Variants in PDE1A observed in about 807,000 individuals in gnomAD.
The protein encoded by PDE1A is dual specificity calcium/calmodulin-dependent 3',5'-cyclic nucleotide phosphodiesterase 1A.
PDE1A carries 35 observed loss-of-function variants against 61.7 expected under a neutral mutation model. The ratio of observed to expected loss-of-function variants is 0.57; its 90% CI spans 0.43 to 0.75. PDE1A has a LOEUF of 0.75. Among genes scored for constraint, PDE1A ranks in the 30% least tolerant of loss-of-function variants. The pLI is 0.00. For missense variants in PDE1A, 597 were observed against 630.6 expected, an observed-to-expected ratio of 0.95 and a Z score of 0.57; for synonymous variants, 232 against 213.2, an observed-to-expected ratio of 1.09 and a Z score of -0.77.
the PDE1A span, among the ~76,000 whole-genome samples, chr2:182,575,220 T>G: frequency 6.6e-6 from 1 of 152,154 alleles, no homozygotes; most frequent in African/African-American, 2.4e-5. Context: ...CGTTTCCCAT[T>G]GACCTTAATC....
intron 2 of PDE1A, among the ~76,000 whole-genome samples, chr2:182,463,005 C>A (rs183995238): frequency 1.2e-3 from 181 of 152,092 alleles, no homozygotes; most frequent in Middle Eastern, 3.4e-3. Context: ...CTTTGGGAGG[C>A]CAAGGCAGGA....
chr2:182,658,054 A>AC, the PDE1A span, among the ~76,000 whole-genome samples: 1 of 97,872 alleles, frequency 1.0e-5, no homozygotes, highest in East Asian at 2.9e-4. Context: ...CAGTAAAAAA[A>AC]AAAAAAAAAA....
intron 1 of PDE1A, among the ~76,000 whole-genome samples, chr2:182,387,033 A>C (rs1007375198): frequency 6.6e-6 from 1 of 152,210 alleles, no homozygotes; most frequent in African/African-American, 2.4e-5. Context: ...GTCTGTGTGG[A>C]AAGAAGTAGA....
intron 1 of PDE1A, among the ~76,000 whole-genome samples, chr2:182,421,412 A>C (rs1479077956): frequency 1.3e-5 from 2 of 152,198 alleles, no homozygotes; most frequent in Non-Finnish European, 2.9e-5. Context: ...TTGTAGATTT[A>C]ATACTGCCTC....
intron 1 of PDE1A, among the ~76,000 whole-genome samples, chr2:182,328,394 T>C (rs1438810457): frequency 1.3e-5 from 2 of 152,016 alleles, no homozygotes; most frequent in Non-Finnish European, 2.9e-5. Context: ...TAGAAAGAAA[T>C]GGAACGAGGG....
At chr2:182,465,675 A>T (rs1215881071) in intron 2 of PDE1A, among the ~76,000 whole-genome samples, 1 of 152,100 alleles carries the variant, frequency 6.6e-6, no homozygotes, top group East Asian at 1.9e-4. Flanking sequence ...TGTCCAGTAG[A>T]CACAAATATT....
the PDE1A span, among the ~76,000 whole-genome samples, chr2:182,691,977 T>C: frequency 1.3e-5 from 2 of 152,004 alleles, no homozygotes; most frequent in Non-Finnish European, 2.9e-5. Flanking sequence ...CAATGAGATA[T>C]CATCTCACAC....
chr2:182,229,407 T>G (rs1689390810), intron 6 of PDE1A, among the ~76,000 whole-genome samples: 1 of 152,082 alleles, frequency 6.6e-6, no homozygotes, highest in African/African-American at 2.4e-5. Context: ...CATCCTGAGT[T>G]CTAAGACATT....
chr2:182,539,327 G>A, the PDE1A span, among the ~76,000 whole-genome samples: 1 of 152,146 alleles, frequency 6.6e-6, no homozygotes, highest in Non-Finnish European at 1.5e-5. Context: ...GAGCTTTCAA[G>A]ATTTTCCCTG....
At chr2:182,406,171 C>T (rs962971880) in intron 1 of PDE1A, among the ~76,000 whole-genome samples, 1 of 151,642 alleles carries the variant, frequency 6.6e-6, no homozygotes, top group South Asian at 2.1e-4. Flanking sequence ...ATTATTATTC[C>T]CATTTTACAG....
upstream of PDE1A, among the ~76,000 whole-genome samples, chr2:182,525,378 T>C (rs1214749587): frequency 6.6e-6 from 1 of 152,212 alleles, no homozygotes; most frequent in Non-Finnish European, 1.5e-5. Flanking sequence ...ATAAGCAAAA[T>C]TGTTCTAAGT....
intron 10 of PDE1A, among the ~76,000 whole-genome samples, chr2:182,193,389 C>G (rs531477176): frequency 3.9e-5 from 6 of 151,982 alleles, no homozygotes; most frequent in Non-Finnish European, 7.4e-5. Flanking sequence ...AAAGAAGCAA[C>G]GTCGATAACA....
chr2:182,299,569 A>G (rs989180963), intron 1 of PDE1A, among the ~76,000 whole-genome samples: 1 of 150,862 alleles, frequency 6.6e-6, no homozygotes, highest in African/African-American at 2.4e-5. Flanking sequence ...GGACCTGCAA[A>G]AACAGCCTAG....
At chr2:182,245,951 G>C (rs984788522) in intron 2 of PDE1A, among the ~76,000 whole-genome samples, 1 of 152,170 alleles carries the variant, frequency 6.6e-6, no homozygotes, top group African/African-American at 2.4e-5. Flanking sequence ...ATGAGCCAGA[G>C]GCCAAGCTGC....
At chr2:182,328,116 C>A (rs568680582) in intron 1 of PDE1A, among the ~76,000 whole-genome samples, 10 of 152,208 alleles carry the variant, frequency 6.6e-5, no homozygotes, top group Admixed American at 3.9e-4. Flanking sequence ...AAATAAGAAG[C>A]AAAGTCACAA....
chr2:182,350,943 G>C (rs1259279893), intron 1 of PDE1A, among the ~76,000 whole-genome samples: 2 of 152,118 alleles, frequency 1.3e-5, no homozygotes, highest in African/African-American at 4.8e-5. Flanking sequence ...AAAGGCTCTA[G>C]TTGTTACCAC....
chr2:182,459,355 T>C (rs550365581), intron 2 of PDE1A, among the ~76,000 whole-genome samples: 7 of 152,250 alleles, frequency 4.6e-5, no homozygotes, highest in African/African-American at 1.7e-4. Flanking sequence ...CTCCCTCCAG[T>C]GCATATTGAG....
At chr2:182,591,636 T>C in the PDE1A span, among the ~76,000 whole-genome samples, 2 of 152,146 alleles carry the variant, frequency 1.3e-5, no homozygotes, top group African/African-American at 4.8e-5. Flanking sequence ...CACAACGCCC[T>C]GGGTATCTAC....
chr2:182,164,422 T>G (rs1691543471), downstream of PDE1A, among the ~76,000 whole-genome samples: 1 of 152,094 alleles, frequency 6.6e-6, no homozygotes, highest in Non-Finnish European at 1.5e-5. Context: ...GGAAGAGTTA[T>G]GTGTATAGAC....
Sources: gnomAD v4.1 joint callset for allele counts (sites outside exome capture counted in the v4.1 genomes callset) on GRCh38, gnomAD v4.1.1 for gene constraint, MANE v1.5 for transcripts, NCBI Gene and HGNC (gene_info 2026-07-23, HGNC 2026-07-21) for gene names.